Variants in STK24 observed in about 807,000 individuals in gnomAD.
STK24 encodes the protein serine/threonine kinase 24, also known as serine/threonine-protein kinase 24.
STK24 carries 21 observed loss-of-function variants against 55.6 expected under a neutral mutation model. The observed-to-expected ratio is 0.38, with a 90% CI of 0.27 to 0.54. STK24 has a LOEUF of 0.54. STK24 is among the 20% of genes least tolerant of loss of function. STK24 has a pLI of 0.79. For missense variants in STK24, 383 were observed against 538.4 expected, an observed-to-expected ratio of 0.71 and a Z score of 2.86; for synonymous variants, 200 against 215.2, an observed-to-expected ratio of 0.93 and a Z score of 0.62.
intron 1 of STK24, among the ~76,000 whole-genome samples, chr13:98,559,250 T>C (rs115580545): frequency 0.025 from 3,879 of 152,182 alleles, 67 homozygotes; most frequent in South Asian, 0.081. Context: ...CATCCTGAAT[T>C]GTAGCTCCCA....
chr13:98,527,148 G>A (rs138370251), intron 1 of STK24, among the ~76,000 whole-genome samples: 1 of 152,300 alleles, frequency 6.6e-6, no homozygotes, highest in East Asian at 1.9e-4. Flanking sequence ...CAGCCACTGA[G>A]AATAACTGAA....
chr13:98,504,058 G>A (rs1430767614), intron 2 of STK24, among the ~76,000 whole-genome samples: 6 of 152,294 alleles, frequency 3.9e-5, no homozygotes, highest in South Asian at 2.1e-4. Context: ...GGTTAAAATC[G>A]ACTTCTCCCA....
intron 5 of STK24, among the ~76,000 whole-genome samples, chr13:98,473,647 G>T (rs1894247785): frequency 1.3e-5 from 2 of 152,196 alleles, no homozygotes; most frequent in South Asian, 4.1e-4. Flanking sequence ...CAGGTCTGCT[G>T]TGTGGGTATG....
Position 98,452,828 on chromosome 13 carries a change from T to C in STK24, c.*345A>G, listed in dbSNP as rs1893260874. On this transcript the variant is annotated 3_prime_UTR_variant, in exon 11 of 11. Transcript: ENST00000539966. ...CAGGATACCTGAGGTTTCATGTCTT[T>C]AGTTGCCTTATCATAATCCCAAATA... 1 of 218,576 alleles carries C rather than the reference T, an allele frequency of 4.6e-6. No individual in the cohort carries two copies. Among genetic ancestry groups the C allele is most frequent in the South Asian group, 1.2e-4 (1 of 8,414 alleles). 13.5% of individuals were successfully genotyped at this position (218,576 alleles called of 1,614,324 possible). A position where few individuals can be genotyped will look rare whatever the true frequency, so the allele number is the denominator to read the frequency against.
At chr13:98,490,599 C>A (rs1894986268) in intron 2 of STK24, among the ~76,000 whole-genome samples, 1 of 152,192 alleles carries the variant, frequency 6.6e-6, no homozygotes, top group South Asian at 2.1e-4. Flanking sequence ...AGGGTCAAAG[C>A]TTCCACGTGA....
chr13:98,454,680 AAAC>A (rs752866594), intron 10 of STK24: 4 of 152,342 alleles, frequency 2.6e-5, no homozygotes, highest in South Asian at 4.1e-4. Context: ...CCATCCACTG[AAAC>A]AACATGTTTG....
At chr13:98,545,358 C>T (rs1305744031) in intron 1 of STK24, among the ~76,000 whole-genome samples, 2 of 152,168 alleles carry the variant, frequency 1.3e-5, no homozygotes, top group Non-Finnish European at 2.9e-5. Context: ...CAAAAAGTGC[C>T]AGACTAGGCC....
At chr13:98,506,774 G>A (rs566829376) in intron 2 of STK24, among the ~76,000 whole-genome samples, 33 of 152,354 alleles carry the variant, frequency 2.2e-4, no homozygotes, top group African/African-American at 6.7e-4. Flanking sequence ...CACGTGTTAG[G>A]CAAGAATTTC....
At chr13:98,562,898 A>T (rs1295010186) in intron 1 of STK24, among the ~76,000 whole-genome samples, 1 of 150,262 alleles carries the variant, frequency 6.7e-6, no homozygotes, top group Non-Finnish European at 1.5e-5. Context: ...TCTGGGCAAC[A>T]GAGTGAGACT....
chr13:98,509,833 G>A (rs902143662), intron 2 of STK24, among the ~76,000 whole-genome samples: 1 of 141,240 alleles, frequency 7.1e-6, no homozygotes, highest in Non-Finnish European at 1.6e-5. Flanking sequence ...TGCCAGTTGT[G>A]CACACTCTCT....
chr13:98,521,727 C>T (rs1283206328), intron 1 of STK24: 4 of 772,150 alleles, frequency 5.2e-6, no homozygotes, highest in East Asian at 2.4e-5. Context: ...AAACATACCC[C>T]GTTTTCAGCA....
chr13:98,487,789 G>A (rs1168339851), intron 2 of STK24, among the ~76,000 whole-genome samples: 2 of 152,086 alleles, frequency 1.3e-5, no homozygotes, highest in African/African-American at 4.8e-5. Flanking sequence ...AGGAAGAGCT[G>A]TACATTTGTC....
At chr13:98,525,458 C>T (rs1460660104) in intron 1 of STK24, among the ~76,000 whole-genome samples, 2 of 152,208 alleles carry the variant, frequency 1.3e-5, no homozygotes, top group African/African-American at 4.8e-5. Context: ...CAACATTCCC[C>T]TCCAAAGTCA....
rs143572413 is a variant in STK24, at chr13:98,567,932, T to TA, written c.42+8812dup. Among the ~76,000 whole-genome samples, 205 of 62,724 alleles carry TA rather than the reference T, an allele frequency of 3.3e-3. 2 individuals are homozygous for TA. The highest frequency in any genetic ancestry group is 0.018 in the South Asian group (29 of 1,638). 41.1% of individuals were successfully genotyped at this position (62,724 alleles called of 152,430 possible). A position where few individuals can be genotyped will look rare whatever the true frequency, so the allele number is the denominator to read the frequency against. On this transcript the variant is annotated intron_variant, in intron 1 of 10. Transcript: ENST00000539966. Reference sequence around the variant, plus strand: ...AGAAGCTGGAAAGTAGGTAGTGGTTTAAAAAAAAAAAGGGGGGGGGTGGGG... The same window carrying TA: ...AGAAGCTGGAAAGTAGGTAGTGGTTTAAAAAAAAAAAAGGGGGGGGGTGGGG...
Position 98,492,076 on chromosome 13 carries a change from C to CGTGTGT in STK24, c.274-9761_274-9756dup, listed in dbSNP as rs56956881. Among the ~76,000 whole-genome samples the CGTGTGT allele has an allele frequency of 7.3e-3, 1,094 of 149,626 alleles. 2 individuals are homozygous for CGTGTGT. Among genetic ancestry groups the CGTGTGT allele is most frequent in the African/African-American group, 0.014 (571 of 40,352 alleles). On this transcript the variant is annotated intron_variant, in intron 2 of 10. Transcript: ENST00000539966. ...ATTCACCTCCTTTAAAGTGCGTGCG[C>CGTGTGT]GTGTGTGTGTGTGTGTGTGTGTGTG...
At chr13:98,546,676 G>A (rs1012960208) in intron 1 of STK24, among the ~76,000 whole-genome samples, 4 of 152,128 alleles carry the variant, frequency 2.6e-5, no homozygotes, top group African/African-American at 9.7e-5. Context: ...ACGCAGGTGG[G>A]GCAGCCCCTA....
chr13:98,558,510 C>G (rs937331175), intron 1 of STK24, among the ~76,000 whole-genome samples: 17 of 152,182 alleles, frequency 1.1e-4, no homozygotes, highest in African/African-American at 3.6e-4. Context: ...AAAGACCAAC[C>G]TAAACTAACT....
At chr13:98,479,055 A>G (rs1489885810) in intron 3 of STK24, among the ~76,000 whole-genome samples, 1 of 152,046 alleles carries the variant, frequency 6.6e-6, no homozygotes, top group Non-Finnish European at 1.5e-5. Flanking sequence ...GAGGCACACA[A>G]CTCTATGCTG....
intron 3 of STK24, among the ~76,000 whole-genome samples, chr13:98,475,972 G>A (rs1894355319): frequency 6.6e-6 from 1 of 152,098 alleles, no homozygotes; most frequent in South Asian, 2.1e-4. Flanking sequence ...CAACTTGGGG[G>A]AATGCAGCTG....
Sources: allele counts gnomAD v4.1 joint callset (sites outside exome capture counted in the v4.1 genomes callset), GRCh38; gene constraint gnomAD v4.1.1; transcripts MANE v1.5; gene names NCBI Gene and HGNC (gene_info 2026-07-23, HGNC 2026-07-21).